Variants in LRFN3 observed in about 807,000 individuals in gnomAD.
The protein encoded by LRFN3 is leucine rich repeat and fibronectin type III domain containing 3.
In LRFN3, 8 loss-of-function variants were observed where a neutral mutation model predicts 23.8. The ratio of observed to expected loss-of-function variants is 0.34; its 90% CI spans 0.20 to 0.61. LRFN3 has a LOEUF of 0.61. Among genes scored for constraint, LRFN3 ranks in the 20% least tolerant of loss-of-function variants. LRFN3 has a pLI of 0.80. For synonymous variants in LRFN3, 451 were observed against 450.6 expected (o/e 1.00, Z -0.01); for missense variants, 736 against 935.3 (o/e 0.79, Z 2.78).
intron 1 of LRFN3, among the ~76,000 whole-genome samples, chr19:35,937,795 C>A (rs1301420031): frequency 1.3e-5 from 2 of 152,174 alleles, no homozygotes; most frequent in East Asian, 1.9e-4. Flanking sequence ...CCCCTGCAAC[C>A]CTTACAGCCT....
chr19:35,944,851 C>A lies in LRFN3; in HGVS notation c.1719C>A (p.Ala573=), dbSNP rs747000621. Residue 573 remains alanine, a synonymous_variant, in exon 3 of 3, where the codon GCC becomes GCA. Coordinates refer to ENST00000246529, the MANE Select transcript of LRFN3 (RefSeq NM_024509.2). This position sits in a 1 kb window ranked among gnomAD's most constrained non-coding sequence, Gnocchi z 4.5. The part of the protein sequence containing the change: ...KVHGGQPPGK[A]KIPAPVSSVC... The stretch of plus-strand genomic sequence containing the variant: ...ACGGCGGCCAGCCCCCCGGCAAGGC[C>A]AAGATTCCCGCGCCTGTTAGCAGCG... The A allele has an allele frequency of 8.1e-6, 13 of 1,603,272 alleles. No individual in the cohort carries two copies. The highest frequency in any genetic ancestry group is 1.1e-5 in the Non-Finnish European group (13 of 1,179,050).
Position 35,939,820 on chromosome 19 carries a change from A to C in LRFN3, c.395A>C (p.Asn132Thr). Reference protein sequence around the residue: ...LGEGQLRGLVNLRHLILSNNQ... With the variant: ...LGEGQLRGLVTLRHLILSNNQ... ...GAGGGCCAGCTGCGCGGCCTGGTCA[A>C]CTTGCGCCACCTCATCCTCAGCAAC... The change falls in exon 2 of 3, where the codon AAC (asparagine) becomes ACC (threonine). Residue 132 changes from asparagine (N) to threonine (T), a missense_variant. Coordinates refer to ENST00000246529, the MANE Select transcript of LRFN3 (RefSeq NM_024509.2). This position sits in a 1 kb window ranked among gnomAD's most constrained non-coding sequence, Gnocchi z 6.4. 6.2e-7 allele frequency: 1 copy of C among 1,602,712 alleles called. No homozygotes were observed. The highest frequency in any genetic ancestry group is 1.3e-5 in the African/African-American group (1 of 75,030).
rs140156601 is a variant in LRFN3, at chr19:35,939,524, C to A, written c.99C>A (p.Arg33=). The A allele has an allele frequency of 3.5e-4, 566 of 1,607,768 alleles. No homozygotes were observed. Among genetic ancestry groups the A allele is most frequent in the Non-Finnish European group, 4.5e-4 (534 of 1,179,304 alleles). Residue 33 remains arginine (R), a synonymous_variant, in exon 2 of 3, where the codon CGC becomes CGA. Transcript: ENST00000246529. The surrounding 1 kb of genome is among the most constrained non-coding windows in gnomAD (Gnocchi z 6.4). ...CCAGCCCATGTCCCCGCCGCTGCCG[C>A]TGCCAGACACAGTCGCTGCCCCTAA... ...ATPSPCPRRC[R]CQTQSLPLSV... is the part of the protein sequence containing the mutation.
rs1327395600 is a variant in LRFN3 at position 35,939,987 on chromosome 19, G to A, written c.562G>A (p.Asp188Asn). 2.5e-6 allele frequency: 4 copies of A among 1,611,112 alleles called. No individual in the cohort carries two copies. Among genetic ancestry groups the A allele is most frequent in the Admixed American group, 1.7e-5 (1 of 60,002 alleles). ...GGGCAACGTCAACACGTTGGGCCTCGACCACAACCTGCTGGCTTCTGTGCC... is the reference window on the plus strand; with the variant it reads ...GGGCAACGTCAACACGTTGGGCCTCAACCACAACCTGCTGGCTTCTGTGCC... Reference protein sequence around the residue: ...RLGNVNTLGLDHNLLASVPAG... With the variant: ...RLGNVNTLGLNHNLLASVPAG... Residue 188 changes from aspartate (D) to asparagine (N), a missense_variant, in exon 2 of 3, where the codon GAC (aspartate) becomes AAC (asparagine). By Grantham distance (23) the Asp-to-Asn change is conservative. This residue lies in a region of LRFN3 where 446 missense variants were observed against 647.9 expected (regional missense o/e 0.69). Transcript: ENST00000246529. This position sits in a 1 kb window ranked among gnomAD's most constrained non-coding sequence, Gnocchi z 6.4.
rs766348770 is a variant in LRFN3 at position 35,939,402 on chromosome 19, C to T, written c.-16-8C>T. ...CTTCTGCCCTCACGCCTCCCCTCTT[C>T]TCCGCAGGACACCCCTGCCCGCGAT... On this transcript the variant is annotated splice_region_variant and splice_polypyrimidine_tract_variant and intron_variant, in intron 1 of 2. Transcript: ENST00000246529. The surrounding 1 kb of genome is among the most constrained non-coding windows in gnomAD (Gnocchi z 6.4). The T allele has an allele frequency of 7.1e-6, 11 of 1,554,252 alleles. No individual in the cohort carries two copies. The highest frequency in any genetic ancestry group is 4.0e-5 in the African/African-American group (3 of 74,292).
Position 35,944,692 on chromosome 19 carries a change from C to G in LRFN3, c.1560C>G (p.Thr520=), listed in dbSNP as rs746102968. 5.0e-6 allele frequency: 8 copies of G among 1,603,510 alleles called. No homozygotes were observed. The highest frequency in any genetic ancestry group is 6.8e-6 in the Non-Finnish European group (8 of 1,176,616). ...TRPVGCARFS[T]EPALRPCGAP... ...CTGTGGGCTGCGCCCGCTTCTCCAC[C>G]GAACCTGCGCTGCGGCCATGCGGGG... Residue 520 remains threonine (T), a synonymous_variant, in exon 3 of 3, where the codon ACC becomes ACG. Coordinates refer to ENST00000246529, the MANE Select transcript of LRFN3 (RefSeq NM_024509.2). This position sits in a 1 kb window ranked among gnomAD's most constrained non-coding sequence, Gnocchi z 4.5.
rs71836568 is a variant in LRFN3 at position 35,946,343 on chromosome 19, CT to C, written c.*1336del. Among the ~76,000 whole-genome samples, 265 of 144,198 alleles carry C rather than the reference CT, an allele frequency of 1.8e-3. No homozygotes were observed. The highest frequency in any genetic ancestry group is 7.3e-3 in the Middle Eastern group (2 of 274). 94.6% of individuals were successfully genotyped at this position (144,198 alleles called of 152,430 possible). On this transcript the variant is annotated 3_prime_UTR_variant, in exon 3 of 3. Transcript: ENST00000246529. ...CACTATGGGACATTTTTTCTTTTTT[CT>C]TTTTTTTTTTTACAGATGGGGTCTC...
rs779305342 is a variant in LRFN3, at chr19:35,944,599, C to G, written c.1467C>G (p.Gly489=). The G allele has an allele frequency of 1.3e-6, 2 of 1,501,276 alleles. No individual in the cohort carries two copies. Among genetic ancestry groups the G allele is most frequent in the East Asian group, 4.9e-5 (2 of 40,832 alleles). 93.0% of individuals were successfully genotyped at this position (1,501,276 alleles called of 1,614,324 possible). A position where few individuals can be genotyped will look rare whatever the true frequency, so the allele number is the denominator to read the frequency against. The change falls in exon 3 of 3, where the codon GGC becomes GGG. Residue 489 remains glycine (G), a synonymous_variant. Transcript: ENST00000246529. This position sits in a 1 kb window ranked among gnomAD's most constrained non-coding sequence, Gnocchi z 4.5. The part of the protein sequence containing the change: ...RSFLLTDLAS[G]RTYDLCVLAV... ...TCCTGCTGACGGACCTGGCGTCAGG[C>G]CGGACCTACGATCTGTGCGTGCTCG... is the stretch of plus-strand genomic sequence containing the variant.
chr19:35,940,436 A>T lies in LRFN3; in HGVS notation c.1011A>T (p.Leu337=). The T allele has an allele frequency of 6.2e-7, 1 of 1,600,186 alleles. No individual in the cohort carries two copies. The highest frequency in any genetic ancestry group is 8.5e-7 in the Non-Finnish European group (1 of 1,177,174). The part of the protein sequence containing the change: ...VRWVSPQGRL[L]GNSSRARAFP... ...GGGTGTCACCCCAGGGCCGGCTGCT[A>T]GGCAACTCAAGCCGTGCCCGCGCCT... The change falls in exon 2 of 3, where the codon CTA becomes CTT. Residue 337 remains leucine (L), a synonymous_variant. Coordinates refer to ENST00000246529, the MANE Select transcript of LRFN3 (RefSeq NM_024509.2).
At position 35,939,738 on chromosome 19, in the gene LRFN3, G is replaced by A. The variant is rs764520867; in HGVS notation, c.313G>A (p.Asp105Asn). The part of the protein sequence containing the change: ...IRHVAAGAFA[D>N]LRALRALHLD... ...CCACGTGGCTGCCGGCGCCTTCGCC[G>A]ACCTGCGGGCCCTGCGTGCCCTGCA... Residue 105 changes from aspartate to asparagine, a missense_variant, in exon 2 of 3, where the codon GAC becomes AAC. Coordinates refer to ENST00000246529, the MANE Select transcript of LRFN3 (RefSeq NM_024509.2). This position sits in a 1 kb window ranked among gnomAD's most constrained non-coding sequence, Gnocchi z 6.4. The A allele has an allele frequency of 4.4e-6, 7 of 1,603,538 alleles. No individual in the cohort carries two copies. Among genetic ancestry groups the A allele is most frequent in the Admixed American group, 1.7e-5 (1 of 59,844 alleles).
At chr19:35,941,483 A>G (rs926643904) in intron 2 of LRFN3, among the ~76,000 whole-genome samples, 1 of 152,184 alleles carries the variant, frequency 6.6e-6, no homozygotes, top group African/African-American at 2.4e-5. Context: ...TTAGAAGGAA[A>G]TTGCAGGGAG....
chr19:35,944,944 G>T lies in LRFN3; in HGVS notation c.1812G>T (p.Ala604=). The part of the protein sequence containing the change: ...PTPAPPAPEP[A]ALRAHTVVQL... ...CCGCCCCGCCCGCCCCGGAGCCCGCGGCGCTCAGGGCCCACACCGTGGTCC... is the reference window on the plus strand; with the variant it reads ...CCGCCCCGCCCGCCCCGGAGCCCGCTGCGCTCAGGGCCCACACCGTGGTCC... Residue 604 remains alanine (A), a synonymous_variant, in exon 3 of 3, where the codon GCG becomes GCT. Transcript: ENST00000246529. This position sits in a 1 kb window ranked among gnomAD's most constrained non-coding sequence, Gnocchi z 4.5. 1 of 1,486,690 alleles carries T rather than the reference G, an allele frequency of 6.7e-7. No homozygotes were observed. Among genetic ancestry groups the T allele is most frequent in the Non-Finnish European group, 8.9e-7 (1 of 1,129,634 alleles). 92.1% of individuals were successfully genotyped at this position (1,486,690 alleles called of 1,614,324 possible).
At position 35,940,244 on chromosome 19, in the gene LRFN3, G is replaced by A. The variant is rs767818855; in HGVS notation, c.819G>A (p.Ala273=). ...GGGAGGACGACCTCGAGGCCTGCGC[G>A]TCCCCACCTGCTCTGGGCGGCCGCT... is the stretch of plus-strand genomic sequence containing the variant. The part of the protein sequence containing the change: ...LAREDDLEAC[A]SPPALGGRYF... The change falls in exon 2 of 3, where the codon GCG becomes GCA. Residue 273 remains alanine, a synonymous_variant. Transcript: ENST00000246529. 30 of 1,606,190 alleles carry A rather than the reference G, an allele frequency of 1.9e-5. No homozygotes were observed. The Admixed American group carries it at 3.2e-4, about 17-fold the overall frequency.
At position 35,944,746 on chromosome 19, in the gene LRFN3, G is replaced by GATGATC. The variant is rs1976157958; in HGVS notation, c.1617_1622dup (p.Met539_Ile540dup). On this transcript the variant is annotated inframe_insertion, in exon 3 of 3. Transcript: ENST00000246529. The surrounding 1 kb of genome is among the most constrained non-coding windows in gnomAD (Gnocchi z 4.5). Reference sequence around the variant, plus strand: ...CGCACGCTCCCTTCCTGGGCGGCACGATGATCATCGCGCTGGGCGGCGTCA... The same window carrying GATGATC: ...CGCACGCTCCCTTCCTGGGCGGCACGATGATCATGATCATCGCGCTGGGCGGCGTCA... The GATGATC allele has an allele frequency of 6.2e-7, 1 of 1,608,276 alleles. No individual in the cohort carries two copies. The highest frequency in any genetic ancestry group is 8.5e-7 in the Non-Finnish European group (1 of 1,177,750).
rs7254994 is a variant in LRFN3, at chr19:35,945,397, G to C, written c.*378G>C. ...AGCATGCCCTGGGTTGGGGGATGCT[G>C]TGGTGATCCAGATAGCCCTGAGCCC... On this transcript the variant is annotated 3_prime_UTR_variant, in exon 3 of 3. Coordinates refer to ENST00000246529, the MANE Select transcript of LRFN3 (RefSeq NM_024509.2). The C allele has an allele frequency of 0.031, 5,759 of 184,860 alleles. 219 individuals are homozygous for C. The highest frequency in any genetic ancestry group is 0.11 in the East Asian group (752 of 6,592). 11.5% of individuals were successfully genotyped at this position (184,860 alleles called of 1,614,324 possible). A position where few individuals can be genotyped will look rare whatever the true frequency, so the allele number is the denominator to read the frequency against.
rs761908851 is a variant in LRFN3 at position 35,940,780 on chromosome 19, C to T, written c.1355C>T (p.Pro452Leu). The change falls in exon 2 of 3, where the codon CCG (proline) becomes CTG (leucine). Residue 452 changes from proline (P) to leucine (L), a missense_variant. Coordinates refer to ENST00000246529, the MANE Select transcript of LRFN3 (RefSeq NM_024509.2). The part of the protein sequence containing the change: ...LVQWPDQRPI[P>L]GIRMYQIQYN... ...CAGTGGCCGGATCAGCGGCCTATCC[C>T]GGGCATCCGCATGTACCAGATCCAG... is the stretch of plus-strand genomic sequence containing the variant. The T allele has an allele frequency of 1.2e-5, 20 of 1,609,954 alleles. No individual in the cohort carries two copies. Among genetic ancestry groups the T allele is most frequent in the East Asian group, 1.1e-4 (5 of 44,802 alleles).
rs905910358 is a variant in LRFN3, at chr19:35,944,758, G to A, written c.1626G>A (p.Ala542=). The part of the protein sequence containing the change: ...APFLGGTMII[A]LGGVIVASVL... ...TCCTGGGCGGCACGATGATCATCGCGCTGGGCGGCGTCATCGTAGCCTCGG... is the reference window on the plus strand; with the variant it reads ...TCCTGGGCGGCACGATGATCATCGCACTGGGCGGCGTCATCGTAGCCTCGG... The change falls in exon 3 of 3, where the codon GCG becomes GCA. Residue 542 remains alanine, a synonymous_variant. Coordinates refer to ENST00000246529, the MANE Select transcript of LRFN3 (RefSeq NM_024509.2). The surrounding 1 kb of genome is among the most constrained non-coding windows in gnomAD (Gnocchi z 4.5). 2 of 1,609,522 alleles carry A rather than the reference G, an allele frequency of 1.2e-6. No homozygotes were observed. The highest frequency in any genetic ancestry group is 1.7e-6 in the Non-Finnish European group (2 of 1,178,338).
rs767574670 is a variant in LRFN3, at chr19:35,940,138, C to G, written c.713C>G (p.Pro238Arg). 6.2e-7 allele frequency: 1 copy of G among 1,611,164 alleles called. No individual in the cohort carries two copies. The highest frequency in any genetic ancestry group is 1.7e-5 in the Admixed American group (1 of 59,984). ...CTGCTCGCCAGGCCCCGGGGCTCGC[C>G]CGCCTCTGCCCTGGTGCTGGCCTTT... ...LPLLARPRGS[P>R]ASALVLAFGG... Residue 238 changes from proline to arginine, a missense_variant, in exon 2 of 3, where the codon CCC becomes CGC. Pro to Arg is a moderately radical substitution (Grantham distance 103). Transcript: ENST00000246529.
At position 35,940,049 on chromosome 19, in the gene LRFN3, G is replaced by C; in HGVS notation, c.624G>C (p.Arg208=). The C allele has an allele frequency of 6.2e-7, 1 of 1,612,492 alleles. No individual in the cohort carries two copies. Among genetic ancestry groups the C allele is most frequent in the East Asian group, 2.2e-5 (1 of 44,868 alleles). Residue 208 remains arginine, a synonymous_variant, in exon 2 of 3, where the codon CGG becomes CGC. Transcript: ENST00000246529. ...TTTCCCGCCTGCACAAGCTGGCCCG[G>C]CTGGACATGACCTCCAACCGCCTGA... ...GAFSRLHKLA[R]LDMTSNRLTT...
Sources: gnomAD v4.1 joint callset for allele counts (sites outside exome capture counted in the v4.1 genomes callset) on GRCh38, gnomAD v4.1.1 for gene constraint, gnomAD v4.1.1 regional missense constraint, Gnocchi (gnomAD v3.1) non-coding constraint, MANE v1.5 for transcripts, NCBI Gene and HGNC (gene_info 2026-07-23, HGNC 2026-07-21) for gene names.